LOXHD1: variants seen among roughly 807,000 people sequenced by gnomAD.
LOXHD1 encodes lipoxygenase homology PLAT domains 1.
A neutral mutation model predicts 248.2 loss-of-function variants in LOXHD1; 205 were observed. That is an observed-to-expected ratio of 0.83 (90% CI 0.74 to 0.93). LOXHD1 has a LOEUF of 0.93. LOXHD1 is among the 40% of genes least tolerant of loss of function. The pLI is 0.00. For missense variants in LOXHD1, 2,930 were observed against 2,971.6 expected (o/e 0.99, Z 0.33); for synonymous variants, 1,113 against 1,162.8 (o/e 0.96, Z 0.87).
rs916133626 is a variant in LOXHD1 at position 46,569,684 on chromosome 18, G to C, written c.2048-46C>G. 4.1e-6 allele frequency: 6 copies of C among 1,479,676 alleles called. No homozygotes were observed. The African/African-American group carries it at 7.0e-5, about 17-fold the overall frequency. The allele number at this position is 1,479,676 out of a possible 1,614,324, so 91.7% of individuals were successfully genotyped here. The stretch of plus-strand genomic sequence containing the variant: ...GGAGGAAGGGAAGGGGTTAGTGCAG[G>C]GGGTGACAGGAAGCAGGGTGCGTGT... On this transcript the variant is annotated intron_variant, in intron 15 of 40. Coordinates refer to ENST00000642948, the MANE Select transcript of LOXHD1 (RefSeq NM_001384474.1).
At chr18:46,579,568 G>A (rs1302974981) in intron 13 of LOXHD1, 62 bp downstream of exon 13, 23 of 1,546,518 alleles carry the variant, frequency 1.5e-5, no homozygotes, top group African/African-American at 6.9e-5. Context: ...CAGGGAAGAC[G>A]AGGGAACATG....
chr18:46,518,012 G>T (rs977294429), intron 34 of LOXHD1, 117 bp downstream of exon 34: 3 of 1,275,534 alleles, frequency 2.4e-6, no homozygotes, highest in Non-Finnish European at 3.3e-6. Flanking sequence ...GGCAGAGGAA[G>T]GAAGGCCTCA....
chr18:46,643,656 T>A (rs2038991463), intron 2 of LOXHD1, among the ~76,000 whole-genome samples: 1 of 152,088 alleles, frequency 6.6e-6, no homozygotes, highest in African/African-American at 2.4e-5. Context: ...TTTCTGCACA[T>A]CAGGATTATA....
At chr18:46,604,533 T>C (rs1284882543) in intron 6 of LOXHD1, among the ~76,000 whole-genome samples, 1 of 152,248 alleles carries the variant, frequency 6.6e-6, no homozygotes, top group East Asian at 1.9e-4. Flanking sequence ...CTTGTGAGAC[T>C]GGTTACAAGA....
At chr18:46,542,307 A>G (rs751097856) in intron 24 of LOXHD1, among the ~76,000 whole-genome samples, 5 of 152,238 alleles carry the variant, frequency 3.3e-5, no homozygotes, top group Admixed American at 2.6e-4. Context: ...CTGTGTTTAC[A>G]AAAGCTTTAT....
chr18:46,567,480 T>C (rs1033225676), intron 16 of LOXHD1, among the ~76,000 whole-genome samples: 1 of 152,214 alleles, frequency 6.6e-6, no homozygotes, highest in South Asian at 2.1e-4. Context: ...TCTGTGTGCA[T>C]GTCAAGGGAC....
intron 6 of LOXHD1, among the ~76,000 whole-genome samples, chr18:46,610,569 A>C (rs1446025083): frequency 6.6e-6 from 1 of 152,108 alleles, no homozygotes; most frequent in African/African-American, 2.4e-5. Context: ...AAAAAAGAGA[A>C]AGTACTGGAC....
chr18:46,595,216 C>A (rs1337685502), intron 8 of LOXHD1, among the ~76,000 whole-genome samples: 1 of 152,208 alleles, frequency 6.6e-6, no homozygotes, highest in Admixed American at 6.5e-5. Flanking sequence ...AACTTGAATT[C>A]TTGCCCTTAG....
At chr18:46,488,177 G>A (rs2143611043) in intron 38 of LOXHD1, among the ~76,000 whole-genome samples, 1 of 152,302 alleles carries the variant, frequency 6.6e-6, no homozygotes, top group South Asian at 2.1e-4. Context: ...GGGAGTGGGA[G>A]GGGCTGCAGA....
chr18:46,625,280 A>G (rs1211099509), intron 4 of LOXHD1, among the ~76,000 whole-genome samples: 5 of 152,208 alleles, frequency 3.3e-5, no homozygotes, highest in African/African-American at 9.6e-5. Flanking sequence ...AACGTGCTCA[A>G]ACACAGTCCG....
intron 14 of LOXHD1, among the ~76,000 whole-genome samples, chr18:46,573,022 C>CAAAAAAAAAA (rs71162809): frequency 8.7e-5 from 5 of 57,392 alleles, no homozygotes; most frequent in Admixed American, 2.4e-4. Flanking sequence ...GACTCCGTCT[C>CAAAAAAAAAA]AAAAAAAAAA....
intron 17 of LOXHD1, 85 bp downstream of exon 17, chr18:46,566,172 C>T: frequency 7.0e-7 from 1 of 1,427,402 alleles, no homozygotes; most frequent in African/African-American, 1.4e-5. Context: ...GCAAGACCTG[C>T]TTTGCCCCAT....
intron 34 of LOXHD1, among the ~76,000 whole-genome samples, chr18:46,510,029 C>A (rs1568115782): frequency 6.6e-6 from 1 of 152,192 alleles, no homozygotes; most frequent in South Asian, 2.1e-4. Context: ...GTAGAAATGG[C>A]CCCGAACCAA....
In LOXHD1 at chr18:46,477,726, G is replaced by C. The variant is rs1403921076; in HGVS notation, c.6568C>G (p.Leu2190Val). The C allele has an allele frequency of 1.2e-5, 19 of 1,551,902 alleles. No individual in the cohort carries two copies. Among genetic ancestry groups the C allele is most frequent in the Non-Finnish European group, 1.6e-5 (18 of 1,147,052 alleles). ...AAGAGGTTGCGCATTTTCTGCTTCA[G>C]CTCCCGCTTGCCTGTGTCTCCGTTG... ...GANGDTGKRE[L>V]KQKMRNLFER... The change falls in exon 41 of 41, where the codon CTG becomes GTG. Residue 2190 changes from leucine to valine, a missense_variant. Physicochemically the swap from Leu to Val is conservative, Grantham distance 32. Transcript: ENST00000642948.
At chr18:46,490,810 CAATT>C (rs1380183586) in intron 37 of LOXHD1, among the ~76,000 whole-genome samples, 11 of 152,272 alleles carry the variant, frequency 7.2e-5, no homozygotes, top group African/African-American at 2.2e-4. Flanking sequence ...TTTCTTAACT[CAATT>C]AATCTTTCAA....
rs867120748 is a variant in LOXHD1, at chr18:46,523,016, C to T, written c.4877-707G>A. On this transcript the variant is annotated intron_variant, in intron 31 of 40. Transcript: ENST00000642948. ...AGGCTGGAGTGCAATGGCACGATCTCGGCTCACCGCAACCTCTGCCTCCCA... is the reference window on the plus strand; with the variant it reads ...AGGCTGGAGTGCAATGGCACGATCTTGGCTCACCGCAACCTCTGCCTCCCA... 6.6e-5 allele frequency among the ~76,000 whole-genome samples: 10 copies of T among 151,992 alleles called. No homozygotes were observed. In the Middle Eastern group the frequency reaches 0.014, roughly 207 times the overall value.
chr18:46,522,135 G>C lies in LOXHD1; in HGVS notation c.5051C>G (p.Ala1684Gly), dbSNP rs892724754. The change falls in exon 32 of 41, where the codon GCA becomes GGA. Residue 1684 changes from alanine to glycine, a missense_variant. Ala to Gly is a moderately conservative substitution (Grantham distance 60, BLOSUM62 0). Transcript: ENST00000642948. The stretch of plus-strand genomic sequence containing the variant: ...CTTGATGATGCCCACATCCAAGCCT[G>C]CGACGTAGAACTCCTCCACAGAGCC... ...SRGSVEEFYV[A>G]GLDVGIIKKI... is the part of the protein sequence containing the mutation. 1.0e-5 allele frequency: 16 copies of C among 1,551,154 alleles called. No individual in the cohort carries two copies. Among genetic ancestry groups the C allele is most frequent in the Middle Eastern group, 1.7e-4 (1 of 6,012 alleles).
intron 16 of LOXHD1, among the ~76,000 whole-genome samples, chr18:46,566,845 G>T (rs993056291): frequency 3.9e-5 from 6 of 152,300 alleles, no homozygotes; most frequent in Admixed American, 3.9e-4. Flanking sequence ...GATTTGGTTT[G>T]GTTTTGAACA....
chr18:46,646,227 T>C (rs1337745492), intron 2 of LOXHD1, among the ~76,000 whole-genome samples: 1 of 152,076 alleles, frequency 6.6e-6, no homozygotes, highest in Non-Finnish European at 1.5e-5. Flanking sequence ...CAGTGGATAT[T>C]CTCAGCCAGA....
Sources: allele counts gnomAD v4.1 joint callset (sites outside exome capture counted in the v4.1 genomes callset), GRCh38; gene constraint gnomAD v4.1.1; transcripts MANE v1.5; gene names NCBI Gene and HGNC (gene_info 2026-07-23, HGNC 2026-07-21).